Variants in CXADR observed in about 807,000 individuals in gnomAD.
CXADR encodes the protein CXADR cell adhesion molecule.
Under a neutral mutation model 40.3 loss-of-function variants are expected in CXADR, and 20 were observed. The ratio of observed to expected loss-of-function variants is 0.50; its 90% CI spans 0.35 to 0.72. CXADR has a LOEUF of 0.72. Among genes scored for constraint, CXADR ranks in the 30% least tolerant of loss-of-function variants. CXADR has a pLI of 0.01. For synonymous variants in CXADR, 150 were observed against 161.3 expected (o/e 0.93, Z 0.53); for missense variants, 332 against 449.1 (o/e 0.74, Z 2.36).
At chr21:17,513,414 G>A (rs2060417559) in intron 1 of CXADR, among the ~76,000 whole-genome samples, 1 of 152,050 alleles carries the variant, frequency 6.6e-6, no homozygotes, top group Non-Finnish European at 1.5e-5. Flanking sequence ...CCCTCGGCGG[G>A]GGGTGGAGGC....
At chr21:17,548,072 A>G (rs542032658) in intron 2 of CXADR, among the ~76,000 whole-genome samples, 1 of 150,612 alleles carries the variant, frequency 6.6e-6, no homozygotes, top group South Asian at 2.1e-4. Context: ...TTAAAAAGTT[A>G]ATAAATTATA....
chr21:17,533,291 C>T (rs929020312), intron 1 of CXADR, among the ~76,000 whole-genome samples: 1 of 152,130 alleles, frequency 6.6e-6, no homozygotes, highest in African/African-American at 2.4e-5. Flanking sequence ...CACCCAAACC[C>T]CTGAACCATG....
intron 7 of CXADR, among the ~76,000 whole-genome samples, chr21:17,575,446 C>G (rs1316283942): frequency 2.0e-5 from 3 of 151,678 alleles, no homozygotes; most frequent in Admixed American, 2.0e-4. Flanking sequence ...CCTCCTAAGT[C>G]CTGGGATTAC....
chr21:17,603,725 G>C, the CXADR span, among the ~76,000 whole-genome samples: 3 of 152,134 alleles, frequency 2.0e-5, no homozygotes, highest in Non-Finnish European at 4.4e-5. Flanking sequence ...TCTTCTTCCT[G>C]CTAGTTAGAA....
At chr21:17,621,285 G>A in the CXADR span, among the ~76,000 whole-genome samples, 5 of 152,054 alleles carry the variant, frequency 3.3e-5, no homozygotes, top group Non-Finnish European at 7.4e-5. Flanking sequence ...CTTTTATTAA[G>A]AAAACAAATT....
chr21:17,574,086 A>G (rs1315552021), downstream of CXADR, among the ~76,000 whole-genome samples: 1 of 152,224 alleles, frequency 6.6e-6, no homozygotes, highest in Non-Finnish European at 1.5e-5. Flanking sequence ...ATAACTATTA[A>G]TGAACCTGAA....
intron 5 of CXADR, 97 bp from the exon 6 acceptor site, chr21:17,561,241 C>CAG: frequency 1.6e-6 from 1 of 613,648 alleles, no homozygotes; most frequent in Non-Finnish European, 2.3e-6. Flanking sequence ...TTAAAGTTAA[C>CAG]ACGTGATGAA....
intron 1 of CXADR, among the ~76,000 whole-genome samples, chr21:17,541,793 A>G (rs2060833167): frequency 6.6e-6 from 1 of 152,134 alleles, no homozygotes; most frequent in Admixed American, 6.5e-5. Flanking sequence ...CAGAAGTAAT[A>G]CTATGTTCTT....
At position 17,568,824 on chromosome 21, in the gene CXADR, AC is replaced by A. The variant is rs1483988977; in HGVS notation, c.*3134del. On this transcript the variant is annotated 3_prime_UTR_variant, in exon 7 of 7. Transcript: ENST00000284878. ...AAAATGTCTACTATTCATGACAGTA[AC>A]CAATTATTCTGGACAAATTGCTTCT... is the stretch of plus-strand genomic sequence containing the variant. The A allele has an allele frequency of 2.0e-6, 2 of 985,238 alleles. No individual in the cohort carries two copies. Among genetic ancestry groups the A allele is most frequent in the African/African-American group, 3.5e-5 (2 of 57,212 alleles). 61.0% of individuals were successfully genotyped at this position (985,238 alleles called of 1,614,324 possible).
chr21:17,618,356 G>A, the CXADR span, among the ~76,000 whole-genome samples: 15 of 152,096 alleles, frequency 9.9e-5, no homozygotes, highest in Middle Eastern at 3.4e-3. Flanking sequence ...AGTTGGAATC[G>A]GCTTCTTCCA....
At chr21:17,533,900 T>C (rs575416092) in intron 1 of CXADR, among the ~76,000 whole-genome samples, 111 of 151,096 alleles carry the variant, frequency 7.3e-4, no homozygotes, top group African/African-American at 2.4e-3. Flanking sequence ...TCTGAGTACA[T>C]ATTAACAGTC....
At position 17,576,711 on chromosome 21, in the gene CXADR, A is replaced by G. The variant is rs142766151; in HGVS notation, c.1017+11100A>G. ...GGGATTTTTACAGTAACTCGGAAGT[A>G]GTCCCTTGGTGTTATGTACTAACCA... is the stretch of plus-strand genomic sequence containing the variant. On this transcript the variant is annotated intron_variant, in intron 7 of 7. Coordinates refer to the CXADR transcript ENST00000400169. The G allele has an allele frequency of 9.8e-5, 15 of 152,314 alleles. 1 individual carries two copies. In the East Asian group the frequency reaches 2.5e-3, roughly 25 times the overall value. The allele number at this position is 152,314 out of a possible 1,614,324, so 9.4% of individuals were successfully genotyped here.
chr21:17,595,026 A>G (rs965975116), downstream of CXADR, among the ~76,000 whole-genome samples: 1 of 152,040 alleles, frequency 6.6e-6, no homozygotes, highest in Non-Finnish European at 1.5e-5. Flanking sequence ...AGATAAACAC[A>G]AAACATTCAT....
intron 3 of CXADR, among the ~76,000 whole-genome samples, chr21:17,557,700 AAAG>A (rs2061053913): frequency 6.6e-6 from 1 of 152,012 alleles, no homozygotes; most frequent in South Asian, 2.1e-4. Context: ...ATGCTGAATA[AAAG>A]AAGACAAGAA....
chr21:17,591,809 A>ACTT (rs2061437837), intron 7 of CXADR, among the ~76,000 whole-genome samples: 1 of 151,860 alleles, frequency 6.6e-6, no homozygotes, highest in Admixed American at 6.6e-5. Context: ...AGGGAGACAA[A>ACTT]CTTAAGAGAA....
chr21:17,576,932 CTATATT>C (rs2061326218), intron 7 of CXADR: 1 of 152,088 alleles, frequency 6.6e-6, no homozygotes, highest in Admixed American at 6.6e-5. Context: ...CAAAAAAGCA[CTATATT>C]TATAGTTAAA....
chr21:17,608,078 G>A, the CXADR span, among the ~76,000 whole-genome samples: 1 of 152,198 alleles, frequency 6.6e-6, no homozygotes, highest in Non-Finnish European at 1.5e-5. Flanking sequence ...TCAAATCCCA[G>A]AACCTTGGCC....
At chr21:17,578,940 G>GCC (rs1477032691) in intron 7 of CXADR, among the ~76,000 whole-genome samples, 1 of 152,084 alleles carries the variant, frequency 6.6e-6, no homozygotes, top group South Asian at 2.1e-4. Flanking sequence ...TCTTCTCTTT[G>GCC]CCTCCCCACA....
chr21:17,576,478 G>C (rs1239726781), intron 7 of CXADR, among the ~76,000 whole-genome samples: 1 of 152,170 alleles, frequency 6.6e-6, no homozygotes, highest in Non-Finnish European at 1.5e-5. Flanking sequence ...TCAGTGATCA[G>C]TTAAGTGTTA....
Sources: allele counts gnomAD v4.1 joint callset (sites outside exome capture counted in the v4.1 genomes callset), GRCh38; gene constraint gnomAD v4.1.1; transcripts MANE v1.5; gene names NCBI Gene and HGNC (gene_info 2026-07-23, HGNC 2026-07-21).